CABP1: variants seen among roughly 807,000 people sequenced by gnomAD.
The protein encoded by CABP1 is calcium binding protein 1, also known as calcium-binding protein 1.
A neutral mutation model predicts 34.3 loss-of-function variants in CABP1; 17 were observed. The ratio of observed to expected loss-of-function variants is 0.50; its 90% CI spans 0.34 to 0.74. The LOEUF is 0.74. Ranked by LOEUF, CABP1 falls within the 30% of genes least tolerant of loss-of-function variation. CABP1 has a pLI of 0.01. For synonymous variants in CABP1, 198 were observed against 229.2 expected (o/e 0.86, Z 1.23); for missense variants, 373 against 511.1 (o/e 0.73, Z 2.61).
the CABP1 span, among the ~76,000 whole-genome samples, chr12:120,679,671 T>C: frequency 9.0e-4 from 136 of 151,742 alleles, no homozygotes; most frequent in Middle Eastern, 0.01. Flanking sequence ...CTACTAAAAA[T>C]ACAAAATTAC....
the CABP1 span, among the ~76,000 whole-genome samples, chr12:120,674,705 T>C: frequency 6.6e-6 from 1 of 152,096 alleles, no homozygotes; most frequent in Non-Finnish European, 1.5e-5. Context: ...CTGGCCAACA[T>C]GGTGAAACCC....
In CABP1 at chr12:120,652,719, G is replaced by A. The variant is rs143655496; in HGVS notation, c.655-7159G>A. Among the ~76,000 whole-genome samples, 111 of 152,150 alleles carry A rather than the reference G, an allele frequency of 7.3e-4. 1 individual carries two copies. Among genetic ancestry groups the A allele is most frequent in the African/African-American group, 2.4e-3 (98 of 41,516 alleles). ...CCGCTCACCAGGCACTCCCTCATTC[G>A]GCTTCTCCTTGAAGACATTCATTCG... On this transcript the variant is annotated intron_variant, in intron 1 of 5. Transcript: ENST00000316803.
In CABP1 at chr12:120,640,919, G is replaced by A; in HGVS notation, c.234G>A (p.Ala78=). The A allele has an allele frequency of 7.2e-6, 8 of 1,110,650 alleles. No individual in the cohort carries two copies. The highest frequency in any genetic ancestry group is 8.8e-6 in the Non-Finnish European group (8 of 911,180). 68.8% of individuals were successfully genotyped at this position (1,110,650 alleles called of 1,614,324 possible). Residue 78 remains alanine, a synonymous_variant, in exon 1 of 6, where the codon GCG becomes GCA. Transcript: ENST00000316803. The surrounding 1 kb of genome is among the most constrained non-coding windows in gnomAD (Gnocchi z 6.2). ...CGCTGCTGAAGGCGGCGGCGGCGGC[G>A]GCGAGCGGGGGCAGCCGGGCTCCCC... ...KTSLLKAAAA[A]ASGGSRAPRH...
chr12:120,652,883 T>C (rs1013588393), intron 1 of CABP1, among the ~76,000 whole-genome samples: 4 of 152,074 alleles, frequency 2.6e-5, no homozygotes, highest in African/African-American at 9.7e-5. Context: ...AAATTGTCGG[T>C]CCATGGGTTG....
chr12:120,672,937 C>T, the CABP1 span, among the ~76,000 whole-genome samples: 34 of 151,950 alleles, frequency 2.2e-4, no homozygotes, highest in Admixed American at 4.6e-4. Flanking sequence ...GGCTGAGGAA[C>T]GAGAATAGCT....
the CABP1 span, among the ~76,000 whole-genome samples, chr12:120,676,643 C>A: frequency 3.9e-5 from 6 of 152,114 alleles, no homozygotes; most frequent in African/African-American, 1.2e-4. Flanking sequence ...GTCAGGCTGG[C>A]CTTGAACTCC....
chr12:120,649,503 G>A (rs1473426344), intron 1 of CABP1, among the ~76,000 whole-genome samples: 1 of 152,176 alleles, frequency 6.6e-6, no homozygotes, highest in Non-Finnish European at 1.5e-5. Context: ...CTGGAGGGAC[G>A]AGGAAGAGCC....
chr12:120,664,908 G>A (rs1180375205), intron 5 of CABP1, among the ~76,000 whole-genome samples: 4 of 150,636 alleles, frequency 2.7e-5, no homozygotes, highest in Non-Finnish European at 5.9e-5. Context: ...AGAGAGAGAT[G>A]AGCTATCTAG....
downstream of CABP1, among the ~76,000 whole-genome samples, chr12:120,670,774 C>T (rs1254130981): frequency 1.3e-5 from 2 of 152,086 alleles, no homozygotes; most frequent in African/African-American, 4.8e-5. Flanking sequence ...AGCTCTTTGT[C>T]TGAAAGCTCT....
chr12:120,641,015 G>A lies in CABP1; in HGVS notation c.330G>A (p.Gln110=). Residue 110 remains glutamine, a synonymous_variant, in exon 1 of 6, where the codon CAG becomes CAA. Coordinates refer to ENST00000316803, the MANE Select transcript of CABP1 (RefSeq NM_001033677.2). The surrounding 1 kb of genome is among the most constrained non-coding windows in gnomAD (Gnocchi z 6.7). ...CCGGCTCCTGCCCGGCGACGCCGCA[G>A]TCGTCCGGGGACCCCAGTTCGCGGA... ...RLPGSCPATP[Q]SSGDPSSRRP... The A allele has an allele frequency of 8.5e-6, 10 of 1,169,738 alleles. No individual in the cohort carries two copies. The highest frequency in any genetic ancestry group is 1.1e-5 in the Non-Finnish European group (10 of 948,334). The allele number at this position is 1,169,738 out of a possible 1,614,324, so 72.5% of individuals were successfully genotyped here. A position where few individuals can be genotyped will look rare whatever the true frequency, so the allele number is the denominator to read the frequency against.
At chr12:120,674,226 G>A in the CABP1 span, among the ~76,000 whole-genome samples, 197 of 152,334 alleles carry the variant, frequency 1.3e-3, no homozygotes, top group Non-Finnish European at 2.2e-3. Flanking sequence ...CATTCTTGTC[G>A]GTTGTTATTC....
In CABP1 at chr12:120,641,297, C is replaced by A; in HGVS notation, c.612C>A (p.Phe204Leu). 7.5e-7 allele frequency: 1 copy of A among 1,329,482 alleles called. No individual in the cohort carries two copies. The highest frequency in any genetic ancestry group is 9.6e-7 in the Non-Finnish European group (1 of 1,041,238). The allele number at this position is 1,329,482 out of a possible 1,614,324, so 82.4% of individuals were successfully genotyped here. Residue 204 changes from phenylalanine (F) to leucine (L), a missense_variant, in exon 1 of 6, where the codon TTC (phenylalanine) becomes TTA (leucine). Transcript: ENST00000316803. The surrounding 1 kb of genome is among the most constrained non-coding windows in gnomAD (Gnocchi z 6.7). Reference protein sequence around the residue: ...VPAAASEADPFLHRLRPMLSS... With the variant: ...VPAAASEADPLLHRLRPMLSS... ...CCGCCGCGTCCGAGGCGGACCCGTT[C>A]CTCCACCGGCTGCGCCCCATGCTCA... is the stretch of plus-strand genomic sequence containing the variant.
intron 5 of CABP1, among the ~76,000 whole-genome samples, chr12:120,662,787 C>T (rs932969552): frequency 8.9e-5 from 13 of 146,316 alleles, no homozygotes; most frequent in African/African-American, 1.3e-4. Context: ...TGGATTCAAG[C>T]GATTCTCCTG....
At position 120,661,975 on chromosome 12, in the gene CABP1, C is replaced by G. The variant is rs950774676; in HGVS notation, c.1087+757C>G. On this transcript the variant is annotated intron_variant, in intron 5 of 5. Coordinates refer to ENST00000316803, the MANE Select transcript of CABP1 (RefSeq NM_001033677.2). The surrounding 1 kb of genome is among the most constrained non-coding windows in gnomAD (Gnocchi z 5.1). Reference sequence around the variant, plus strand: ...CTCTCTATGTGTTCACACTTCTATACTTCCATTCACACATTCATGTCTCTT... The same window carrying G: ...CTCTCTATGTGTTCACACTTCTATAGTTCCATTCACACATTCATGTCTCTT... The G allele has an allele frequency of 6.6e-6, 1 of 152,284 alleles. No homozygotes were observed. Among genetic ancestry groups the G allele is most frequent in the African/African-American group, 2.4e-5 (1 of 41,458 alleles). 9.4% of individuals were successfully genotyped at this position (152,284 alleles called of 1,614,324 possible).
intron 1 of CABP1, among the ~76,000 whole-genome samples, chr12:120,647,613 C>A (rs1794733): frequency 7.0e-6 from 1 of 143,092 alleles, no homozygotes; most frequent in African/African-American, 2.7e-5. Context: ...TGTCGCTCAG[C>A]CTGGAGTGCA....
intron 1 of CABP1, among the ~76,000 whole-genome samples, chr12:120,652,002 A>G (rs533835807): frequency 3.9e-5 from 6 of 152,308 alleles, no homozygotes; most frequent in African/African-American, 9.6e-5. Flanking sequence ...CTTCCCTTAC[A>G]CAACAGCATG....
chr12:120,641,443 C>T lies in CABP1; in HGVS notation c.654+104C>T. 2.6e-6 allele frequency: 3 copies of T among 1,164,718 alleles called. No individual in the cohort carries two copies. Among genetic ancestry groups the T allele is most frequent in the Non-Finnish European group, 3.2e-6 (3 of 926,068 alleles). The allele number at this position is 1,164,718 out of a possible 1,614,324, so 72.1% of individuals were successfully genotyped here. The stretch of plus-strand genomic sequence containing the variant: ...TCCTCCCGCGGCCCGTGGTCCCCCA[C>T]GGATCACGCCTCGGCTCACCTCGTC... On this transcript the variant is annotated intron_variant, in intron 1 of 5. Transcript: ENST00000316803. The surrounding 1 kb of genome is among the most constrained non-coding windows in gnomAD (Gnocchi z 6.7).
In CABP1 at chr12:120,647,807, C is replaced by G. The variant is rs190033312; in HGVS notation, c.654+6468C>G. ...ACGTTGGCCAGGCTGGCCTCGAACT[C>G]CTGACCTCAGGTGATCCACCTGCCT... On this transcript the variant is annotated intron_variant, in intron 1 of 5. Transcript: ENST00000316803. Among the ~76,000 whole-genome samples the G allele has an allele frequency of 1.9e-3, 280 of 149,868 alleles. 1 individual carries two copies. Among genetic ancestry groups the G allele is most frequent in the African/African-American group, 6.6e-3 (269 of 40,670 alleles).
intron 1 of CABP1, among the ~76,000 whole-genome samples, chr12:120,658,456 G>C (rs1390642678): frequency 6.6e-6 from 1 of 152,040 alleles, no homozygotes; most frequent in Non-Finnish European, 1.5e-5. Flanking sequence ...GCCTCCCTAT[G>C]GGTGACTCCT....
Sources: allele counts gnomAD v4.1 joint callset (sites outside exome capture counted in the v4.1 genomes callset), GRCh38; gene constraint gnomAD v4.1.1; non-coding constraint Gnocchi (gnomAD v3.1); transcripts MANE v1.5; gene names NCBI Gene and HGNC (gene_info 2026-07-23, HGNC 2026-07-21).